STAB2: variants seen among roughly 807,000 people sequenced by gnomAD.
STAB2 encodes stabilin 2.
In STAB2, 288 loss-of-function variants were observed where a neutral mutation model predicts 338.1. That is an observed-to-expected ratio of 0.85 (90% CI 0.77 to 0.94). The LOEUF (loss-of-function observed/expected upper bound fraction) is 0.94, where lower values mean the gene tolerates loss of function less well. Ranked by LOEUF, STAB2 falls within the 40% of genes least tolerant of loss-of-function variation. The pLI is 0.00. For synonymous variants in STAB2, 1,202 were observed against 1,193.3 expected (o/e 1.01, Z -0.15); for missense variants, 3,141 against 3,210.1 (o/e 0.98, Z 0.52).
chr12:103,658,802 A>G (rs1046394787), intron 15 of STAB2, among the ~76,000 whole-genome samples: 6 of 152,148 alleles, frequency 3.9e-5, no homozygotes, highest in African/African-American at 1.4e-4. Flanking sequence ...GGACATGGTG[A>G]TGGGTGGTTA....
At chr12:103,611,438 T>C (rs1054370709) in intron 3 of STAB2, among the ~76,000 whole-genome samples, 4 of 152,216 alleles carry the variant, frequency 2.6e-5, no homozygotes, top group African/African-American at 9.6e-5. Flanking sequence ...TTTACCATTA[T>C]GTAATGGCCT....
intron 42 of STAB2, among the ~76,000 whole-genome samples, chr12:103,715,082 G>T (rs576025398): frequency 5.3e-5 from 8 of 152,250 alleles, no homozygotes. Flanking sequence ...TAACACATGG[G>T]AATAATATCC....
intron 45 of STAB2, 87 bp from the exon 46 acceptor site, chr12:103,726,029 G>C: frequency 1.4e-6 from 2 of 1,444,874 alleles, no homozygotes; most frequent in Admixed American, 1.7e-5. Context: ...CAGCTGAAGG[G>C]ATGGCAGAGA....
chr12:103,712,305 G>A, intron 40 of STAB2, 62 bp from the exon 41 acceptor site: 6 of 1,271,696 alleles, frequency 4.7e-6, no homozygotes, highest in Middle Eastern at 1.9e-4. Flanking sequence ...GGGCATTTGT[G>A]AGTCATGTGG....
intron 21 of STAB2, among the ~76,000 whole-genome samples, chr12:103,670,044 G>A (rs868597989): frequency 1.3e-5 from 2 of 152,134 alleles, no homozygotes; most frequent in African/African-American, 2.4e-5. Flanking sequence ...TGTAACAGCC[G>A]AAACTTAACT....
intron 5 of STAB2, 55 bp downstream of exon 5, chr12:103,622,166 A>G: frequency 6.4e-7 from 1 of 1,571,604 alleles, no homozygotes. Flanking sequence ...AGTCCATGAG[A>G]AAGATTGCTC....
chr12:103,711,131 A>C (rs1879817173), intron 39 of STAB2, among the ~76,000 whole-genome samples: 1 of 152,256 alleles, frequency 6.6e-6, no homozygotes, highest in Non-Finnish European at 1.5e-5. Context: ...TAAAAGTAGA[A>C]AATCAAAACC....
At chr12:103,737,853 C>T in intron 53 of STAB2, 73 bp downstream of exon 53, 1 of 1,578,264 alleles carries the variant, frequency 6.3e-7, no homozygotes, top group South Asian at 1.2e-5. Flanking sequence ...CAGTGTGGAC[C>T]CTGTTGTGAA....
At chr12:103,715,713 G>T in intron 42 of STAB2, 102 bp from the exon 43 acceptor site, 3 of 1,315,928 alleles carry the variant, frequency 2.3e-6, no homozygotes, top group Non-Finnish European at 3.3e-6. Context: ...TTTGACACCC[G>T]CTCCCTTCAG....
In STAB2 at chr12:103,690,347, C is replaced by A. The variant is rs147006530; in HGVS notation, c.3183-77C>A. On this transcript the variant is annotated intron_variant, in intron 29 of 68. Coordinates refer to ENST00000388887, the MANE Select transcript of STAB2 (RefSeq NM_017564.10). ...TGACTATGGCAATCTGGCTCCAGAG[C>A]CTATTCTCTTAACTATTCAATGATA... 1,086 of 1,263,230 alleles carry A rather than the reference C, an allele frequency of 8.6e-4. 11 individuals are homozygous for A. The African/African-American group carries it at 0.014, about 17-fold the overall frequency. The allele number at this position is 1,263,230 out of a possible 1,614,324, so 78.3% of individuals were successfully genotyped here.
At chr12:103,699,387 A>T (rs1336567152) in intron 34 of STAB2, among the ~76,000 whole-genome samples, 160 bp downstream of exon 34, 1 of 152,134 alleles carries the variant, frequency 6.6e-6, no homozygotes, top group Non-Finnish European at 1.5e-5. Context: ...AAAGAAAAAG[A>T]GGTTTAACAG....
At chr12:103,596,652 T>C (rs1301512346) in intron 3 of STAB2, among the ~76,000 whole-genome samples, 1 of 152,180 alleles carries the variant, frequency 6.6e-6, no homozygotes, top group Non-Finnish European at 1.5e-5. Flanking sequence ...ATGAATAAAA[T>C]GACACTCCTC....
chr12:103,759,615 C>T (rs560900719), intron 65 of STAB2, among the ~76,000 whole-genome samples: 80 of 152,150 alleles, frequency 5.3e-4, no homozygotes, highest in Non-Finnish European at 1.0e-3. Flanking sequence ...CCAGTTCTGC[C>T]ACTTGCTAAC....
intron 25 of STAB2, among the ~76,000 whole-genome samples, chr12:103,680,718 A>C (rs1214095128): frequency 2.0e-5 from 3 of 152,212 alleles, no homozygotes; most frequent in Non-Finnish European, 4.4e-5. Flanking sequence ...AAGGCCCTGC[A>C]CCTCACCCTG....
rs958752748 is a variant in STAB2, at chr12:103,666,439, G to A, written c.2085+86G>A. On this transcript the variant is annotated intron_variant, in intron 19 of 68. Coordinates refer to ENST00000388887, the MANE Select transcript of STAB2 (RefSeq NM_017564.10). ...TCAACCTATCTACCTTCCTTCTTTA[G>A]AAGATATTAATTGCAGCTGGGGTAA... 4.3e-6 allele frequency: 6 copies of A among 1,409,486 alleles called. No individual in the cohort carries two copies. In the Admixed American group the frequency reaches 5.3e-5, roughly 12 times the overall value. 87.3% of individuals were successfully genotyped at this position (1,409,486 alleles called of 1,614,324 possible).
chr12:103,759,171 T>A lies in STAB2; in HGVS notation c.7146T>A (p.Asn2382Lys), dbSNP rs1383492811. Residue 2382 changes from asparagine to lysine, a missense_variant, in exon 65 of 69, where the codon AAT becomes AAA. Asn to Lys is a moderately conservative substitution (Grantham distance 94). Coordinates refer to ENST00000388887, the MANE Select transcript of STAB2 (RefSeq NM_017564.10). ...GGGACATCGAGCACCACCTCGCCAA[T>A]GTCAGCATGTTTTTCTACAATGACC... ...SGRDIEHHLA[N>K]VSMFFYNDLV... 2 of 1,614,194 alleles carry A rather than the reference T, an allele frequency of 1.2e-6. No individual in the cohort carries two copies. The highest frequency in any genetic ancestry group is 1.7e-6 in the Non-Finnish European group (2 of 1,180,034).
chr12:103,716,514 T>A (rs1880326080), intron 43 of STAB2, among the ~76,000 whole-genome samples: 3 of 152,178 alleles, frequency 2.0e-5, no homozygotes, highest in African/African-American at 7.2e-5. Flanking sequence ...CAAAATTGGA[T>A]GACAAAGTGA....
At chr12:103,627,659 A>G (rs1365105170) in intron 5 of STAB2, among the ~76,000 whole-genome samples, 1 of 152,226 alleles carries the variant, frequency 6.6e-6, no homozygotes, top group Non-Finnish European at 1.5e-5. Context: ...CAGGCAGTCA[A>G]TCCAGTATAG....
Position 103,684,982 on chromosome 12 carries a change from T to G in STAB2, c.2902-7T>G. 6.2e-7 allele frequency: 1 copy of G among 1,613,668 alleles called. No individual in the cohort carries two copies. Among genetic ancestry groups the G allele is most frequent in the South Asian group, 1.1e-5 (1 of 91,056 alleles). The stretch of plus-strand genomic sequence containing the variant: ...GGTAACCATTTCTTTCATCTTGGTT[T>G]TCTCAGGCAAGCTGTCAATCTACTT... On this transcript the variant is annotated splice_polypyrimidine_tract_variant and splice_region_variant and intron_variant, in intron 26 of 68. Coordinates refer to ENST00000388887, the MANE Select transcript of STAB2 (RefSeq NM_017564.10).
Sources: allele counts gnomAD v4.1 joint callset (sites outside exome capture counted in the v4.1 genomes callset), GRCh38; gene constraint gnomAD v4.1.1; transcripts MANE v1.5; gene names NCBI Gene and HGNC (gene_info 2026-07-23, HGNC 2026-07-21).